The following RAD51B variants were observed in gnomAD, a reference collection of about 807,000 sequenced individuals.
The protein encoded by RAD51B is RAD51 paralog B, also known as DNA repair protein RAD51 homolog 2.
Under a neutral mutation model 42.2 loss-of-function variants are expected in RAD51B, and 38 were observed. That is an observed-to-expected ratio of 0.90 (90% CI 0.70 to 1.18). The LOEUF (loss-of-function observed/expected upper bound fraction) is 1.18, where lower values mean the gene tolerates loss of function less well. Ranked by LOEUF, RAD51B falls within the 50% of genes most tolerant of loss-of-function variation. The probability of loss-of-function intolerance (pLI) is 0.00; values close to 1 mark genes in which losing one functional copy is unlikely to be tolerated. For missense variants in RAD51B, 373 were observed against 400.7 expected, an observed-to-expected ratio of 0.93 and a Z score of 0.59; for synonymous variants, 154 against 145.2, an observed-to-expected ratio of 1.06 and a Z score of -0.43.
At chr14:67,894,975 A>G (rs924474859) in intron 7 of RAD51B, among the ~76,000 whole-genome samples, 2 of 151,960 alleles carry the variant, frequency 1.3e-5, no homozygotes, top group African/African-American at 2.4e-5. Flanking sequence ...AGGTCTTGCT[A>G]TGTTGCCCAG....
chr14:68,620,315 A>C (rs1891919167), intron 10 of RAD51B, among the ~76,000 whole-genome samples: 1 of 152,162 alleles, frequency 6.6e-6, no homozygotes, highest in African/African-American at 2.4e-5. Context: ...GTAGGGGCCT[A>C]AGAATAGCAA....
At chr14:67,995,514 T>C (rs1413929069) in intron 7 of RAD51B, among the ~76,000 whole-genome samples, 1 of 152,168 alleles carries the variant, frequency 6.6e-6, no homozygotes, top group Admixed American at 6.5e-5. Context: ...TTATCCTTGC[T>C]CCTTCCATCC....
intron 7 of RAD51B, among the ~76,000 whole-genome samples, chr14:68,087,900 T>TTATATAATTATATAATATATTA (rs1555353524): frequency 2.6e-5 from 2 of 77,796 alleles, no homozygotes; most frequent in African/African-American, 7.5e-5. Flanking sequence ...AATATATTAT[T>TTATATAATTATATAATATATTA]TATATAATTA....
At chr14:67,998,633 G>A (rs1451038343) in intron 7 of RAD51B, among the ~76,000 whole-genome samples, 1 of 152,186 alleles carries the variant, frequency 6.6e-6, no homozygotes, top group East Asian at 1.9e-4. Context: ...GCAGCCGCAA[G>A]TGCCACTGGT....
intron 7 of RAD51B, among the ~76,000 whole-genome samples, chr14:68,148,154 A>G (rs1405843787): frequency 1.3e-5 from 2 of 152,188 alleles, no homozygotes; most frequent in African/African-American, 2.4e-5. Context: ...TGCATGTATC[A>G]GTACTTCATT....
intron 7 of RAD51B, among the ~76,000 whole-genome samples, chr14:68,153,441 T>G (rs2078432949): frequency 6.6e-6 from 1 of 152,140 alleles, no homozygotes; most frequent in Non-Finnish European, 1.5e-5. Context: ...TTGAACTAAT[T>G]TGCATTCCCA....
intron 7 of RAD51B, among the ~76,000 whole-genome samples, chr14:67,963,056 A>G (rs1566980757): frequency 1.3e-5 from 2 of 152,136 alleles, no homozygotes; most frequent in South Asian, 2.1e-4. Flanking sequence ...GTGAAGAAAC[A>G]TTTGTCTAAG....
At chr14:68,612,646 G>C (rs923639405), downstream of RAD51B, among the ~76,000 whole-genome samples, 2 of 152,110 alleles carry the variant, frequency 1.3e-5, no homozygotes, top group Non-Finnish European at 2.9e-5. Context: ...ATGTTTTATG[G>C]ATACAAAGTT....
intron 7 of RAD51B, among the ~76,000 whole-genome samples, chr14:68,026,944 G>A (rs981222707): frequency 6.6e-6 from 1 of 151,978 alleles, no homozygotes; most frequent in South Asian, 2.1e-4. Context: ...GTATGTAGGC[G>A]CCATGCTTAA....
intron 7 of RAD51B, among the ~76,000 whole-genome samples, chr14:68,163,484 T>G (rs1215684726): frequency 6.6e-6 from 1 of 152,258 alleles, no homozygotes; most frequent in African/African-American, 2.4e-5. Context: ...CTTCAGCTCA[T>G]GCCTGTCGTG....
chr14:67,829,160 G>A (rs1241885813), intron 3 of RAD51B, among the ~76,000 whole-genome samples: 3 of 151,828 alleles, frequency 2.0e-5, no homozygotes, highest in Non-Finnish European at 4.4e-5. Flanking sequence ...CTGATTTCTT[G>A]GAGCAGTGGT....
At position 68,648,709 on chromosome 14, in the gene RAD51B, A is replaced by G. The variant is rs146673032; in HGVS notation, c.1037-2072A>G. 2.9e-3 allele frequency among the ~76,000 whole-genome samples: 437 copies of G among 149,590 alleles called. 4 individuals carry two copies. Among genetic ancestry groups the G allele is most frequent in the African/African-American group, 9.9e-3 (409 of 41,136 alleles). ...CACACACACACACACACACACACAC[A>G]CACACAGGGAAAAACAAGTTATTCA... On this transcript the variant is annotated intron_variant, in intron 10 of 11. Coordinates refer to the RAD51B transcript ENST00000488612.
chr14:68,272,976 G>A (rs1296887328), intron 7 of RAD51B, among the ~76,000 whole-genome samples: 1 of 151,610 alleles, frequency 6.6e-6, no homozygotes, highest in Non-Finnish European at 1.5e-5. Flanking sequence ...GAGCCACTGC[G>A]CCTGGCCCAA....
chr14:67,973,985 G>A (rs2074944159), intron 7 of RAD51B, among the ~76,000 whole-genome samples: 1 of 152,030 alleles, frequency 6.6e-6, no homozygotes, highest in Non-Finnish European at 1.5e-5. Flanking sequence ...GCATATACAA[G>A]GGAATATGGA....
At chr14:68,194,359 A>G (rs2079326490) in intron 7 of RAD51B, among the ~76,000 whole-genome samples, 7 of 152,324 alleles carry the variant, frequency 4.6e-5, no homozygotes, top group Middle Eastern at 3.4e-3. Flanking sequence ...TGTGTTCAGG[A>G]CTGCTAAACA....
At chr14:68,117,167 A>G (rs1258871004) in intron 7 of RAD51B, among the ~76,000 whole-genome samples, 1 of 152,180 alleles carries the variant, frequency 6.6e-6, no homozygotes, top group Non-Finnish European at 1.5e-5. Flanking sequence ...CTCTTTTGTT[A>G]TAGACTTGAT....
intron 7 of RAD51B, among the ~76,000 whole-genome samples, chr14:68,176,569 C>T (rs536041202): frequency 3.0e-4 from 46 of 152,266 alleles, no homozygotes; most frequent in African/African-American, 1.1e-3. Context: ...ATGTCTGTCA[C>T]TCAGGGATAG....
chr14:68,346,734 C>T (rs910893818), intron 8 of RAD51B, among the ~76,000 whole-genome samples: 1 of 152,192 alleles, frequency 6.6e-6, no homozygotes, highest in Non-Finnish European at 1.5e-5. Context: ...CATACAGGGA[C>T]CTCAAGGTCT....
chr14:67,921,760 T>C (rs1864833400), intron 7 of RAD51B, among the ~76,000 whole-genome samples: 1 of 152,088 alleles, frequency 6.6e-6, no homozygotes, highest in Admixed American at 6.6e-5. Context: ...CTGGTGCCAC[T>C]CTCTCTGTGG....
Sources: allele counts gnomAD v4.1 joint callset (sites outside exome capture counted in the v4.1 genomes callset), GRCh38; gene constraint gnomAD v4.1.1; transcripts MANE v1.5; gene names NCBI Gene and HGNC (gene_info 2026-07-23, HGNC 2026-07-21).